TKT: variants seen among roughly 807,000 people sequenced by gnomAD.
TKT encodes transketolase, also known as epididymis luminal protein 107.
A neutral mutation model predicts 63.9 loss-of-function variants in TKT; 47 were observed. The observed-to-expected ratio is 0.74, with a 90% CI of 0.58 to 0.94. The LOEUF (loss-of-function observed/expected upper bound fraction) is 0.94, where lower values mean the gene tolerates loss of function less well. Ranked by LOEUF, TKT falls within the 40% of genes least tolerant of loss-of-function variation. TKT has a pLI of 0.00. For missense variants in TKT, 721 were observed against 846.2 expected (o/e 0.85, Z 1.84); for synonymous variants, 338 against 334.1 (o/e 1.01, Z -0.13).
chr3:53,240,187 G>C (rs1553679467), intron 4 of TKT, 64 bp downstream of exon 4: 1 of 1,491,580 alleles, frequency 6.7e-7, no homozygotes, highest in Non-Finnish European at 9.3e-7. Flanking sequence ...ATGGTGAAGG[G>C]TGGGTCACCC....
Position 53,228,119 on chromosome 3 carries a change from T to A in TKT, c.1510A>T (p.Thr504Ser), listed in dbSNP as rs199652864. Residue 504 changes from threonine to serine, a missense_variant, in exon 12 of 14, where the codon ACC (threonine) becomes TCC (serine). Thr to Ser is a moderately conservative substitution (Grantham distance 58). Transcript: ENST00000462138. Reference protein sequence around the residue: ...VVLKSKDDQVTVIGAGVTLHE... With the variant: ...VVLKSKDDQVSVIGAGVTLHE... ...AGGGTCACCCCAGCCCCGATAACGGTCACCTGGTCATCCTTGCTCTTCAGG... is the reference window on the plus strand; with the variant it reads ...AGGGTCACCCCAGCCCCGATAACGGACACCTGGTCATCCTTGCTCTTCAGG... The A allele has an allele frequency of 2.4e-5, 38 of 1,614,000 alleles. No homozygotes were observed. The East Asian group carries it at 8.0e-4, about 34-fold the overall frequency.
At position 53,230,530 on chromosome 3, in the gene TKT, G is replaced by A; in HGVS notation, c.1034C>T (p.Ser345Phe). The A allele has an allele frequency of 6.2e-7, 1 of 1,614,230 alleles. No individual in the cohort carries two copies. The highest frequency in any genetic ancestry group is 8.5e-7 in the Non-Finnish European group (1 of 1,180,032). ...IIALDGDTKN[S>F]TFSEIFKKEH... is the part of the protein sequence containing the mutation. Reference sequence around the variant, plus strand: ...CTTTTTGAAGATCTCCGAGAAGGTGGAATTTTTGGTGTCCCCATCCAGGGC... The same window carrying A: ...CTTTTTGAAGATCTCCGAGAAGGTGAAATTTTTGGTGTCCCCATCCAGGGC... The change falls in exon 8 of 14, where the codon TCC becomes TTC. Residue 345 changes from serine (S) to phenylalanine (F), a missense_variant. Coordinates refer to ENST00000462138, the MANE Select transcript of TKT (RefSeq NM_001064.4).
At position 53,255,787 on chromosome 3, in the gene TKT, GC is replaced by G. The variant is rs782383629; in HGVS notation, c.107+48del. 6.9e-5 allele frequency: 87 copies of G among 1,256,454 alleles called. 1 individual carries two copies. The African/African-American group carries it at 9.9e-4, about 14-fold the overall frequency. The allele number at this position is 1,256,454 out of a possible 1,614,324, so 77.8% of individuals were successfully genotyped here. On this transcript the variant is annotated intron_variant, in intron 1 of 13. Transcript: ENST00000462138. The stretch of plus-strand genomic sequence containing the variant: ...CGCGGCGACTCTGGCCGCCGCAGAC[GC>G]CCCCCGCCCCGCCCGAGCCGCGTCC...
chr3:53,230,090 C>T (rs993083526), intron 8 of TKT, among the ~76,000 whole-genome samples: 4 of 152,200 alleles, frequency 2.6e-5, no homozygotes, highest in African/African-American at 9.7e-5. Flanking sequence ...GTGTGCATTA[C>T]AGGTGCTCTA....
rs561642362 is a variant in TKT at position 53,252,154 on chromosome 3, C to T, written c.107+3682G>A. Reference sequence around the variant, plus strand: ...AAACTCCATCTCAAAAGAAAAAGAACTGGATCAAAGTCCTGTGAGCTCCCC... The same window carrying T: ...AAACTCCATCTCAAAAGAAAAAGAATTGGATCAAAGTCCTGTGAGCTCCCC... On this transcript the variant is annotated intron_variant, in intron 1 of 13. Coordinates refer to ENST00000462138, the MANE Select transcript of TKT (RefSeq NM_001064.4). Among the ~76,000 whole-genome samples the T allele has an allele frequency of 3.0e-3, 454 of 152,258 alleles. 2 individuals carry two copies. Among genetic ancestry groups the T allele is most frequent in the African/African-American group, 0.011 (438 of 41,558 alleles).
At chr3:53,226,958 C>T in intron 12 of TKT, 80 bp from the exon 13 acceptor site, 3 of 1,513,880 alleles carry the variant, frequency 2.0e-6, no homozygotes, top group Non-Finnish European at 2.7e-6. Context: ...GGTGGGACAT[C>T]CTGAGGGCTG....
intron 12 of TKT, chr3:53,227,100 C>CCT: frequency 1.8e-6 from 1 of 549,422 alleles, no homozygotes; most frequent in South Asian, 2.2e-5. Context: ...GTGTTGCCCG[C>CCT]AGTATCCAAG....
Position 53,241,141 on chromosome 3 carries a change from G to C in TKT, c.330C>G (p.His110Gln). The change falls in exon 3 of 14, where the codon CAC becomes CAG. Residue 110 changes from histidine to glutamine, a missense_variant. Transcript: ENST00000462138. ...TGGCAGGAGCACTTACCGGGACCGG[G>C]TGCCCGTCCAAGTCGGAGCTGATCT... ...LRKISSDLDGHPVPKQAFTDV... is the reference protein window; with the variant it reads ...LRKISSDLDGQPVPKQAFTDV... 6.4e-7 allele frequency: 1 copy of C among 1,559,214 alleles called. No individual in the cohort carries two copies. The highest frequency in any genetic ancestry group is 8.6e-7 in the Non-Finnish European group (1 of 1,160,812).
At chr3:53,255,098 A>G (rs1422986383) in intron 1 of TKT, among the ~76,000 whole-genome samples, 5 of 152,016 alleles carry the variant, frequency 3.3e-5, no homozygotes, top group African/African-American at 9.7e-5. Context: ...CCTTTTCACA[A>G]TGGATCCCAG....
At chr3:53,243,715 G>A in intron 1 of TKT, 1 of 443,272 alleles carries the variant, frequency 2.3e-6, no homozygotes, top group Admixed American at 2.4e-5. Context: ...GCTTCAACTG[G>A]AGGCCACCCT....
chr3:53,231,695 C>G, intron 6 of TKT, 145 bp from the exon 7 acceptor site: 1 of 806,982 alleles, frequency 1.2e-6, no homozygotes, highest in Non-Finnish European at 1.9e-6. Flanking sequence ...CCCAGCCAGG[C>G]ACGGGGGCCA....
At chr3:53,228,861 G>T in intron 10 of TKT, 146 bp downstream of exon 10, 2 of 1,196,880 alleles carry the variant, frequency 1.7e-6, no homozygotes, top group Non-Finnish European at 1.2e-6. Flanking sequence ...GTTTTTTCTT[G>T]TCTAACTTCC....
intron 12 of TKT, 128 bp from the exon 13 acceptor site, chr3:53,227,006 T>G: frequency 8.3e-7 from 1 of 1,201,812 alleles, no homozygotes; most frequent in Non-Finnish European, 1.1e-6. Context: ...CCTGTCCCTG[T>G]CCCAGGGAGA....
At chr3:53,236,720 C>T (rs73840281) in intron 4 of TKT, among the ~76,000 whole-genome samples, 1,578 of 152,318 alleles carry the variant, frequency 0.01, 21 homozygotes, top group African/African-American at 0.036. Context: ...CGAACCGAGG[C>T]TAGCACTGGA....
intron 7 of TKT, 72 bp from the exon 8 acceptor site, chr3:53,230,693 C>T (rs1271027618): frequency 1.9e-6 from 3 of 1,568,108 alleles, no homozygotes; most frequent in Non-Finnish European, 2.6e-6. Flanking sequence ...TGGAGCCCTG[C>T]TTTCAGAGAA....
At chr3:53,235,391 G>A (rs73840276) in intron 4 of TKT, 83,336 of 462,702 alleles carry the variant, frequency 0.18, 7,970 homozygotes, top group South Asian at 0.29. Flanking sequence ...GAAGGAAGAC[G>A]TCAGGAGCTC....
Position 53,242,170 on chromosome 3 carries a change from G to A in TKT, c.180C>T (p.Ser60=), listed in dbSNP as rs1705309568. ...VLFFHTMRYK[S]QDPRNPHNDR... is the part of the protein sequence containing the mutation. ...CATTGTGCGGATTCCGGGGGTCCTG[G>A]GACTTGTAGCGCATGGTGTGGAAAA... Residue 60 remains serine (S), a synonymous_variant, in exon 2 of 14, where the codon TCC becomes TCT. Coordinates refer to ENST00000462138, the MANE Select transcript of TKT (RefSeq NM_001064.4). 2 of 1,614,152 alleles carry A rather than the reference G, an allele frequency of 1.2e-6. No individual in the cohort carries two copies. The highest frequency in any genetic ancestry group is 1.1e-5 in the South Asian group (1 of 91,084).
intron 4 of TKT, among the ~76,000 whole-genome samples, chr3:53,237,644 T>C (rs782170642): frequency 6.6e-6 from 1 of 152,016 alleles, no homozygotes; most frequent in Non-Finnish European, 1.5e-5. Flanking sequence ...AAACATTGGT[T>C]GGGTGCAGTG....
intron 4 of TKT, 65 bp from the exon 5 acceptor site, chr3:53,235,239 AC>A (rs2106685595): frequency 7.8e-7 from 1 of 1,278,074 alleles, no homozygotes; most frequent in Non-Finnish European, 1.0e-6. Context: ...CCACCCCCCC[AC>A]CCATCCAAGG....
Sources: allele counts gnomAD v4.1 joint callset (sites outside exome capture counted in the v4.1 genomes callset), GRCh38; gene constraint gnomAD v4.1.1; transcripts MANE v1.5; gene names NCBI Gene and HGNC (gene_info 2026-07-23, HGNC 2026-07-21).